Variants in DENND1A observed in about 807,000 individuals in gnomAD.
DENND1A encodes the protein DENN domain-containing protein 1A.
DENND1A carries 51 observed loss-of-function variants against 113.7 expected under a neutral mutation model. The observed-to-expected ratio is 0.45, with a 90% CI of 0.36 to 0.57. The LOEUF (loss-of-function observed/expected upper bound fraction) is 0.57, where lower values mean the gene tolerates loss of function less well. DENND1A is among the 20% of genes least tolerant of loss of function. The probability of loss-of-function intolerance (pLI) is 0.00; values close to 1 mark genes in which losing one functional copy is unlikely to be tolerated. For synonymous variants in DENND1A, 565 were observed against 570.8 expected (o/e 0.99, Z 0.14); for missense variants, 1,258 against 1,395.9 (o/e 0.90, Z 1.57).
In DENND1A at chr9:123,422,302, A is replaced by G. The variant is rs2045369883; in HGVS notation, c.1489-10473T>C. ...TTACTTTGTCTGCAAGACTGGCAAC[A>G]TTCCTGGCATGCTTCTGATCAGGAA... On this transcript the variant is annotated intron_variant, in intron 19 of 23. Coordinates refer to ENST00000394215, the MANE Select transcript of DENND1A (RefSeq NM_001352964.2). The surrounding 1 kb of genome is among the most constrained non-coding windows in gnomAD (Gnocchi z 4.8). Among the ~76,000 whole-genome samples the G allele has an allele frequency of 6.6e-6, 1 of 152,252 alleles. No individual in the cohort carries two copies. Among genetic ancestry groups the G allele is most frequent in the South Asian group, 2.1e-4 (1 of 4,830 alleles).
At chr9:123,428,618 A>T (rs1442681173) in intron 19 of DENND1A, among the ~76,000 whole-genome samples, 1 of 152,208 alleles carries the variant, frequency 6.6e-6, no homozygotes, top group Non-Finnish European at 1.5e-5. Context: ...AATTATCTTT[A>T]TTTGCAGATG....
chr9:123,409,076 T>C (rs775814750), intron 20 of DENND1A, among the ~76,000 whole-genome samples: 1 of 152,142 alleles, frequency 6.6e-6, no homozygotes, highest in African/African-American at 2.4e-5. Context: ...ATCCCTGTGG[T>C]GTTGGCTACA....
chr9:123,852,448 T>G (rs978021670), intron 2 of DENND1A, among the ~76,000 whole-genome samples: 2 of 152,214 alleles, frequency 1.3e-5, no homozygotes. Context: ...AAATAATGTA[T>G]GGCTACTGGT....
intron 5 of DENND1A, among the ~76,000 whole-genome samples, chr9:123,754,168 G>C (rs76877834): frequency 0.026 from 4,021 of 152,236 alleles, 55 homozygotes; most frequent in Non-Finnish European, 0.031. Context: ...TAAAGAGAAA[G>C]TATCTAAAGG....
intron 5 of DENND1A, among the ~76,000 whole-genome samples, chr9:123,709,263 C>T (rs531813313): frequency 2.8e-4 from 43 of 152,166 alleles, no homozygotes; most frequent in Admixed American, 2.6e-4. Context: ...ATCCTACTCC[C>T]GACCCAGGCC....
rs542017974 is a variant in DENND1A at position 123,560,268 on chromosome 9, A to C, written c.868-2573T>G. ...ACAAGCTGGAAGGATACATGAAGTC[A>C]CCAAGCACAGTGCTCAGTGCCTAGG... On this transcript the variant is annotated intron_variant, in intron 12 of 23. Coordinates refer to ENST00000394215, the MANE Select transcript of DENND1A (RefSeq NM_001352964.2). 3.3e-5 allele frequency among the ~76,000 whole-genome samples: 5 copies of C among 152,354 alleles called. No homozygotes were observed. In the South Asian group the frequency reaches 1.0e-3, roughly 32 times the overall value.
chr9:123,490,441 T>C (rs2051267079), intron 13 of DENND1A, among the ~76,000 whole-genome samples: 1 of 151,850 alleles, frequency 6.6e-6, no homozygotes, highest in South Asian at 2.1e-4. Flanking sequence ...CCAAAAAAAT[T>C]AGCCAGGCGT....
At chr9:123,563,339 C>T (rs1301666523) in intron 12 of DENND1A, among the ~76,000 whole-genome samples, 2 of 152,214 alleles carry the variant, frequency 1.3e-5, no homozygotes, top group East Asian at 3.9e-4. Context: ...GGTCCCCTGG[C>T]TTCATCTACT....
chr9:123,710,753 A>G (rs1589762464), intron 5 of DENND1A, among the ~76,000 whole-genome samples: 1 of 151,534 alleles, frequency 6.6e-6, no homozygotes, highest in African/African-American at 2.4e-5. Flanking sequence ...ACTCACTGCA[A>G]CCTCCATCTC....
intron 21 of DENND1A, among the ~76,000 whole-genome samples, chr9:123,390,892 C>T (rs1053840722): frequency 3.9e-5 from 6 of 152,266 alleles, no homozygotes; most frequent in Non-Finnish European, 8.8e-5. Flanking sequence ...CACGGGCCCC[C>T]ACCTCTGGCT....
chr9:123,860,836 G>A lies in DENND1A; in HGVS notation c.88+18115C>T, dbSNP rs370131250. On this transcript the variant is annotated intron_variant, in intron 2 of 23. Transcript: ENST00000394215. The stretch of plus-strand genomic sequence containing the variant: ...AATAGAGTTTCTCATAATGCACTGG[G>A]CCATAAAAGTTGTGCATATTGTGAA... 4.6e-5 allele frequency among the ~76,000 whole-genome samples: 7 copies of A among 152,278 alleles called. No individual in the cohort carries two copies. The East Asian group carries it at 7.7e-4, about 17-fold the overall frequency.
intron 1 of DENND1A, among the ~76,000 whole-genome samples, chr9:123,884,767 G>A (rs1848772609): frequency 2.0e-5 from 3 of 152,100 alleles, no homozygotes; most frequent in Admixed American, 2.0e-4. Flanking sequence ...GGACACTGAA[G>A]CTCACAGAGA....
At chr9:123,915,873 A>T (rs1035331078) in intron 1 of DENND1A, among the ~76,000 whole-genome samples, 2 of 150,486 alleles carry the variant, frequency 1.3e-5, no homozygotes, top group Non-Finnish European at 2.9e-5. Context: ...GATAAAAATA[A>T]TTTTTAAAGT....
At chr9:123,494,951 C>T (rs1345917716) in intron 13 of DENND1A, among the ~76,000 whole-genome samples, 1 of 152,020 alleles carries the variant, frequency 6.6e-6, no homozygotes, top group Non-Finnish European at 1.5e-5. Flanking sequence ...GCCACCACGC[C>T]AGGATAATTT....
intron 2 of DENND1A, among the ~76,000 whole-genome samples, chr9:123,869,795 G>A (rs530201512): frequency 2.6e-5 from 4 of 152,140 alleles, no homozygotes; most frequent in African/African-American, 9.6e-5. Flanking sequence ...GAGCCCAGGA[G>A]TTCGTGACCA....
intron 12 of DENND1A, among the ~76,000 whole-genome samples, chr9:123,560,935 G>A (rs2057716590): frequency 6.6e-6 from 1 of 152,140 alleles, no homozygotes; most frequent in Admixed American, 6.5e-5. Context: ...CACCCAGGCT[G>A]ACTCTGCCAT....
rs187234965 is a variant in DENND1A at position 123,912,803 on chromosome 9, G to A, written c.17+17086C>T. ...GATCATGTGGAGGAGACCTACCAGAGACTAAGGATTTTTATCACCTCCCAG... is the reference window on the plus strand; with the variant it reads ...GATCATGTGGAGGAGACCTACCAGAAACTAAGGATTTTTATCACCTCCCAG... On this transcript the variant is annotated intron_variant, in intron 1 of 23. Coordinates refer to ENST00000394215, the MANE Select transcript of DENND1A (RefSeq NM_001352964.2). 4.8e-4 allele frequency among the ~76,000 whole-genome samples: 73 copies of A among 152,228 alleles called. 1 individual carries two copies. The highest frequency in any genetic ancestry group is 1.7e-3 in the African/African-American group (72 of 41,528).
chr9:123,381,197 G>C lies in DENND1A; in HGVS notation c.*235C>G, dbSNP rs58894130. 5,546 of 578,386 alleles carry C rather than the reference G, an allele frequency of 9.6e-3. 261 individuals are homozygous for C. The highest frequency in any genetic ancestry group is 0.095 in the African/African-American group (5,086 of 53,314). 35.8% of individuals were successfully genotyped at this position (578,386 alleles called of 1,614,324 possible). A position where few individuals can be genotyped will look rare whatever the true frequency, so the allele number is the denominator to read the frequency against. On this transcript the variant is annotated 3_prime_UTR_variant, in exon 24 of 24. Coordinates refer to ENST00000394215, the MANE Select transcript of DENND1A (RefSeq NM_001352964.2). This position sits in a 1 kb window ranked among gnomAD's most constrained non-coding sequence, Gnocchi z 4.7. ...AAGGGTGCCGAGGAGAGGCAACCGC[G>C]GGGTGGGATGGGCACTCAGGAACTG...
At chr9:123,504,805 G>T (rs1200519852) in intron 13 of DENND1A, among the ~76,000 whole-genome samples, 1 of 152,222 alleles carries the variant, frequency 6.6e-6, no homozygotes, top group Non-Finnish European at 1.5e-5. Flanking sequence ...TCAGGGGCAT[G>T]GAGGTGACCA....
Sources: gnomAD v4.1 joint callset for allele counts (sites outside exome capture counted in the v4.1 genomes callset) on GRCh38, gnomAD v4.1.1 for gene constraint, Gnocchi (gnomAD v3.1) non-coding constraint, MANE v1.5 for transcripts, NCBI Gene and HGNC (gene_info 2026-07-23, HGNC 2026-07-21) for gene names.